The following DYM variants were observed in gnomAD, a reference collection of about 807,000 sequenced individuals.
The protein encoded by DYM is dyggve-Melchior-Clausen syndrome protein.
DYM carries 78 observed loss-of-function variants against 93.1 expected under a neutral mutation model. The ratio of observed to expected loss-of-function variants is 0.84; its 90% CI spans 0.70 to 1.01. DYM has a LOEUF of 1.01. Ranked by LOEUF, DYM falls within the 50% of genes least tolerant of loss-of-function variation. The pLI is 0.00. For missense variants in DYM, 789 were observed against 845.0 expected, an observed-to-expected ratio of 0.93 and a Z score of 0.82; for synonymous variants, 321 against 319.7, an observed-to-expected ratio of 1.00 and a Z score of -0.04.
chr18:49,212,516 T>G (rs1350193456), intron 13 of DYM, among the ~76,000 whole-genome samples: 2 of 152,128 alleles, frequency 1.3e-5, no homozygotes, highest in African/African-American at 2.4e-5. Context: ...TTTTTTTTTT[T>G]TGAGACAGTC....
Position 49,284,247 on chromosome 18 carries a change from T to G in DYM, c.947-2072A>C, listed in dbSNP as rs191416353. On this transcript the variant is annotated intron_variant, in intron 9 of 17. Coordinates refer to ENST00000675505, the MANE Select transcript of DYM (RefSeq NM_001353214.3). Reference sequence around the variant, plus strand: ...GAACCAGCTGTTATACTAAACACTTTGTTTGTGTTATCCCTTATTTAACCC... The same window carrying G: ...GAACCAGCTGTTATACTAAACACTTGGTTTGTGTTATCCCTTATTTAACCC... Among the ~76,000 whole-genome samples, 33 of 151,978 alleles carry G rather than the reference T, an allele frequency of 2.2e-4. No homozygotes were observed. The East Asian group carries it at 5.2e-3, about 24-fold the overall frequency.
chr18:49,280,800 A>G (rs1053925276), intron 10 of DYM, among the ~76,000 whole-genome samples: 2 of 152,204 alleles, frequency 1.3e-5, no homozygotes, highest in African/African-American at 4.8e-5. Context: ...TCTCCAAAAT[A>G]TTATAAAATA....
At chr18:49,393,120 GGAAGGAAGGAAGGA>G in intron 2 of DYM, among the ~76,000 whole-genome samples, 1 of 101,670 alleles carries the variant, frequency 9.8e-6, no homozygotes, top group Non-Finnish European at 2.0e-5. Context: ...AAGGAAGGAA[GGAAGGAAGGAAGGA>G]AGGAAGGAAG....
chr18:49,105,244 G>C (rs530112192), intron 16 of DYM, among the ~76,000 whole-genome samples: 1 of 152,102 alleles, frequency 6.6e-6, no homozygotes, highest in Non-Finnish European at 1.5e-5. Flanking sequence ...CTGTGGGATC[G>C]GTGGTAATAT....
chr18:49,353,919 A>T (rs2065329393), intron 6 of DYM, among the ~76,000 whole-genome samples: 1 of 152,074 alleles, frequency 6.6e-6, no homozygotes, highest in Non-Finnish European at 1.5e-5. Flanking sequence ...TTGTAGTAAC[A>T]CAACAAACTG....
At chr18:49,192,677 A>G (rs538205907) in intron 14 of DYM, among the ~76,000 whole-genome samples, 4 of 152,126 alleles carry the variant, frequency 2.6e-5, no homozygotes, top group African/African-American at 9.6e-5. Flanking sequence ...CTATCATTTT[A>G]TAGAATACAG....
intron 16 of DYM, among the ~76,000 whole-genome samples, chr18:49,097,885 C>CTCTT (rs1429773573): frequency 1.5e-5 from 2 of 136,552 alleles, no homozygotes; most frequent in Non-Finnish European, 3.0e-5. Context: ...CTCTCTCTCT[C>CTCTT]TCTCTCTCTC....
intron 2 of DYM, among the ~76,000 whole-genome samples, chr18:49,428,097 A>C (rs1044523337): frequency 2.0e-5 from 3 of 152,158 alleles, no homozygotes; most frequent in African/African-American, 7.2e-5. Flanking sequence ...TCTCAAAAAA[A>C]AAAGAAAAAA....
rs1212344100 is a variant in DYM, at chr18:49,365,900, G to A, written c.422-2667C>T. On this transcript the variant is annotated intron_variant, in intron 5 of 17. Transcript: ENST00000675505. ...CATGTGCCACTCAAATCACAACCTC[G>A]GCCAAATTTACAGTTGGGTCAATTA... Among the ~76,000 whole-genome samples the A allele has an allele frequency of 2.6e-5, 4 of 152,088 alleles. No individual in the cohort carries two copies. In the South Asian group the frequency reaches 6.2e-4, roughly 24 times the overall value.
At chr18:49,364,332 C>CTACT (rs2066311901) in intron 5 of DYM, among the ~76,000 whole-genome samples, 1 of 152,056 alleles carries the variant, frequency 6.6e-6, no homozygotes, top group Non-Finnish European at 1.5e-5. Context: ...GTGGTCCCAG[C>CTACT]TACTCAGGAG....
chr18:49,221,137 C>CA lies in DYM; in HGVS notation c.1461-11423dup, dbSNP rs1224872328. The stretch of plus-strand genomic sequence containing the variant: ...TCTCAAAAGAAGACATTTATGCAGC[C>CA]AAAAAACACATGAAAAAATGCTCAC... On this transcript the variant is annotated intron_variant, in intron 13 of 17. Coordinates refer to ENST00000675505, the MANE Select transcript of DYM (RefSeq NM_001353214.3). Among the ~76,000 whole-genome samples, 4 of 151,888 alleles carry CA rather than the reference C, an allele frequency of 2.6e-5. No individual in the cohort carries two copies. The East Asian group carries it at 7.7e-4, about 29-fold the overall frequency.
intron 14 of DYM, among the ~76,000 whole-genome samples, chr18:49,169,170 G>C (rs1271827121): frequency 6.6e-6 from 1 of 152,222 alleles, no homozygotes; most frequent in Non-Finnish European, 1.5e-5. Context: ...AGAGGGCGCA[G>C]TCAGGTGAAA....
At chr18:49,316,004 G>A (rs775558673) in intron 8 of DYM, among the ~76,000 whole-genome samples, 1 of 152,196 alleles carries the variant, frequency 6.6e-6, no homozygotes, top group Admixed American at 6.5e-5. Context: ...TGAATAGGCC[G>A]TGTGCAGTGG....
At chr18:49,413,461 A>T (rs990689349) in intron 2 of DYM, among the ~76,000 whole-genome samples, 8 of 152,094 alleles carry the variant, frequency 5.3e-5, no homozygotes, top group African/African-American at 4.8e-5. Flanking sequence ...TATTATCATT[A>T]TATCATTTTA....
At chr18:49,218,087 A>T (rs1415768040) in intron 13 of DYM, among the ~76,000 whole-genome samples, 1 of 152,182 alleles carries the variant, frequency 6.6e-6, no homozygotes, top group Non-Finnish European at 1.5e-5. Context: ...AAAACAAAAA[A>T]AGGCAGGGGT....
At chr18:49,147,092 G>A (rs1370880362) in intron 15 of DYM, among the ~76,000 whole-genome samples, 1 of 151,988 alleles carries the variant, frequency 6.6e-6, no homozygotes, top group African/African-American at 2.4e-5. Flanking sequence ...ACAAGAAATG[G>A]GGAAAGGATT....
intron 15 of DYM, among the ~76,000 whole-genome samples, chr18:49,139,944 C>T (rs999801281): frequency 2.6e-5 from 4 of 152,114 alleles, no homozygotes; most frequent in Non-Finnish European, 5.9e-5. Context: ...ATAGGCACAG[C>T]GGTAATCCTG....
intron 8 of DYM, among the ~76,000 whole-genome samples, chr18:49,311,154 C>T (rs929948691): frequency 2.6e-5 from 4 of 152,100 alleles, no homozygotes; most frequent in Non-Finnish European, 4.4e-5. Flanking sequence ...ACAACAGGAC[C>T]GAAGCCACAG....
rs573430281 is a variant in DYM, at chr18:49,195,098, C to G, written c.1625+14453G>C. ...TGCTCTTCTGCTTAGCTGAAGCTAG[C>G]AGAGTAAATGTTACTTTATGATTTT... On this transcript the variant is annotated intron_variant, in intron 14 of 17. Transcript: ENST00000675505. Among the ~76,000 whole-genome samples, 3 of 152,200 alleles carry G rather than the reference C, an allele frequency of 2.0e-5. No homozygotes were observed. In the South Asian group the frequency reaches 6.2e-4, roughly 32 times the overall value.
Sources: gnomAD v4.1 joint callset for allele counts (sites outside exome capture counted in the v4.1 genomes callset) on GRCh38, gnomAD v4.1.1 for gene constraint, MANE v1.5 for transcripts, NCBI Gene and HGNC (gene_info 2026-07-23, HGNC 2026-07-21) for gene names.